The following DNAH11 variants were observed in gnomAD, a reference collection of about 807,000 sequenced individuals.
The protein encoded by DNAH11 is dynein axonemal heavy chain 11.
DNAH11 carries 442 observed loss-of-function variants against 526.0 expected under a neutral mutation model. The observed-to-expected ratio is 0.84, with a 90% CI of 0.78 to 0.91. The LOEUF (loss-of-function observed/expected upper bound fraction) is 0.91. Ranked by LOEUF, DNAH11 falls within the 40% of genes least tolerant of loss-of-function variation. The pLI is 0.00. For missense variants in DNAH11, 6,989 were observed against 5,448.7 expected, an observed-to-expected ratio of 1.28 and a Z score of -8.90; for synonymous variants, 2,461 against 1,935.9, an observed-to-expected ratio of 1.27 and a Z score of -7.12.
Position 21,600,780 on chromosome 7 carries a change from G to T in DNAH11, c.3105G>T (p.Glu1035Asp). 1 of 1,613,856 alleles carries T rather than the reference G, an allele frequency of 6.2e-7. No homozygotes were observed. Among genetic ancestry groups the T allele is most frequent in the Non-Finnish European group, 8.5e-7 (1 of 1,179,828 alleles). ...NKVLDFRNTL[E>D]THTYLWVDDR... Reference sequence around the variant, plus strand: ...TCTTAGATTTCAGAAACACCCTGGAGACCCACACTTACCTCTGGGTGGATG... The same window carrying T: ...TCTTAGATTTCAGAAACACCCTGGATACCCACACTTACCTCTGGGTGGATG... Residue 1035 changes from glutamate (E) to aspartate (D), a missense_variant, in exon 16 of 82, where the codon GAG (glutamate) becomes GAT (aspartate). Transcript: ENST00000409508.
intron 63 of DNAH11, 80 bp from the exon 64 acceptor site, chr7:21,816,387 G>A: frequency 8.5e-7 from 1 of 1,180,924 alleles, no homozygotes; most frequent in South Asian, 1.4e-5. Context: ...ACTTTCTCAT[G>A]ACTTTGTTCT....
intron 68 of DNAH11, among the ~76,000 whole-genome samples, chr7:21,860,719 G>T (rs1783030689): frequency 6.6e-6 from 1 of 152,162 alleles, no homozygotes; most frequent in South Asian, 2.1e-4. Context: ...GCTTATATGA[G>T]TGTATTAGTC....
At chr7:21,735,199 T>C (rs1226783084) in intron 45 of DNAH11, among the ~76,000 whole-genome samples, 1 of 152,098 alleles carries the variant, frequency 6.6e-6, no homozygotes, top group Non-Finnish European at 1.5e-5. Context: ...GGCTAAGGCA[T>C]TGGTCCCGAT....
chr7:21,882,374 C>T (rs1041513810), intron 75 of DNAH11, among the ~76,000 whole-genome samples: 2 of 152,042 alleles, frequency 1.3e-5, no homozygotes, highest in Non-Finnish European at 2.9e-5. Context: ...CATCACAAGG[C>T]GACTTATCAG....
intron 57 of DNAH11, among the ~76,000 whole-genome samples, chr7:21,781,291 C>T (rs2127983863): frequency 6.6e-6 from 1 of 152,286 alleles, no homozygotes; most frequent in African/African-American, 2.4e-5. Flanking sequence ...TAGAGAATGT[C>T]TTGCCGTGAA....
At chr7:21,727,134 C>T (rs1369958402) in intron 45 of DNAH11, among the ~76,000 whole-genome samples, 4 of 151,228 alleles carry the variant, frequency 2.6e-5, no homozygotes, top group South Asian at 2.1e-4. Flanking sequence ...GGGGTTTCAC[C>T]GTGTTAGCCA....
At chr7:21,668,619 T>C (rs542208741) in intron 30 of DNAH11, among the ~76,000 whole-genome samples, 32 of 152,310 alleles carry the variant, frequency 2.1e-4, no homozygotes, top group African/African-American at 7.5e-4. Flanking sequence ...CTCACATTTT[T>C]CAACGAACAT....
intron 20 of DNAH11, among the ~76,000 whole-genome samples, chr7:21,614,524 C>T (rs1028473194): frequency 2.0e-5 from 3 of 152,160 alleles, no homozygotes; most frequent in Admixed American, 1.3e-4. Context: ...AACATGTCAG[C>T]ATTTACGTTT....
chr7:21,583,169 C>CT (rs1023565230), intron 9 of DNAH11, among the ~76,000 whole-genome samples: 3 of 152,138 alleles, frequency 2.0e-5, no homozygotes, highest in African/African-American at 7.2e-5. Context: ...AGGCATCATG[C>CT]TACCTGACTT....
At chr7:21,851,836 T>A (rs1252768081) in intron 66 of DNAH11, among the ~76,000 whole-genome samples, 3 of 152,142 alleles carry the variant, frequency 2.0e-5, no homozygotes, top group Non-Finnish European at 4.4e-5. Flanking sequence ...TTTTCCTATT[T>A]TGAGAACGGA....
In DNAH11 at chr7:21,617,707, G is replaced by C; in HGVS notation, c.4184G>C (p.Arg1395Thr). Residue 1395 changes from arginine (R) to threonine (T), a missense_variant, in exon 23 of 82, where the codon AGG (arginine) becomes ACG (threonine). Arg to Thr is a moderately conservative substitution (Grantham distance 71). Transcript: ENST00000409508. Reference protein sequence around the residue: ...GTVKDMTASLRAITELQSPAL... With the variant: ...GTVKDMTASLTAITELQSPAL... The stretch of plus-strand genomic sequence containing the variant: ...GTTAAGGACATGACAGCCTCCCTGA[G>C]GGCCATCACAGAGTTACAGAGCCCT... The C allele has an allele frequency of 6.2e-7, 1 of 1,613,766 alleles. No individual in the cohort carries two copies. Among genetic ancestry groups the C allele is most frequent in the Non-Finnish European group, 8.5e-7 (1 of 1,179,792 alleles).
At chr7:21,690,927 C>G (rs1290691748) in intron 35 of DNAH11, 46 bp downstream of exon 35, 1 of 1,407,044 alleles carries the variant, frequency 7.1e-7, no homozygotes, top group Admixed American at 1.8e-5. Context: ...ACTCATGCCA[C>G]CTAATGTTGT....
At chr7:21,647,099 A>G (rs1392476042) in intron 28 of DNAH11, among the ~76,000 whole-genome samples, 2 of 152,212 alleles carry the variant, frequency 1.3e-5, no homozygotes, top group Non-Finnish European at 2.9e-5. Context: ...GGAAAATATC[A>G]GAGAGCTTAA....
At chr7:21,778,217 C>T (rs6970678) in intron 56 of DNAH11, among the ~76,000 whole-genome samples, 2,440 of 152,166 alleles carry the variant, frequency 0.016, 71 homozygotes, top group African/African-American at 0.056. Context: ...CAGATGAATT[C>T]ATGGATTCCT....
chr7:21,730,012 C>T (rs948036591), intron 45 of DNAH11, among the ~76,000 whole-genome samples: 4 of 152,166 alleles, frequency 2.6e-5, no homozygotes, highest in African/African-American at 9.7e-5. Context: ...GAAAATGGAA[C>T]CTTTGCACAC....
chr7:21,713,289 T>C (rs1784529998), intron 42 of DNAH11, among the ~76,000 whole-genome samples: 2 of 152,170 alleles, frequency 1.3e-5, no homozygotes, highest in African/African-American at 2.4e-5. Context: ...CTGTGGTCTG[T>C]ATGGACCACA....
intron 55 of DNAH11, among the ~76,000 whole-genome samples, chr7:21,767,545 G>A (rs1385930130): frequency 6.6e-6 from 1 of 152,136 alleles, no homozygotes; most frequent in Non-Finnish European, 1.5e-5. Flanking sequence ...GTGTCATAAC[G>A]CCTCCTATAG....
chr7:21,638,526 T>A (rs1214399741), intron 27 of DNAH11, among the ~76,000 whole-genome samples: 1 of 151,994 alleles, frequency 6.6e-6, no homozygotes, highest in Non-Finnish European at 1.5e-5. Flanking sequence ...AGACATCCAG[T>A]GGGGGAAAAG....
chr7:21,854,215 C>G lies in DNAH11; in HGVS notation c.11062-100C>G. The G allele has an allele frequency of 3.1e-6, 4 of 1,280,340 alleles. No homozygotes were observed. The South Asian group carries it at 5.8e-5, about 18-fold the overall frequency. The allele number at this position is 1,280,340 out of a possible 1,614,324, so 79.3% of individuals were successfully genotyped here. The stretch of plus-strand genomic sequence containing the variant: ...GCCATGCATGTTATCTATTTTAATA[C>G]TCATAATTTTTCATTTCAGGTACGT... On this transcript the variant is annotated intron_variant, in intron 67 of 81. Transcript: ENST00000409508.
Sources: allele counts gnomAD v4.1 joint callset (sites outside exome capture counted in the v4.1 genomes callset), GRCh38; gene constraint gnomAD v4.1.1; transcripts MANE v1.5; gene names NCBI Gene and HGNC (gene_info 2026-07-23, HGNC 2026-07-21).